Variants in PCDHA7 observed in about 807,000 individuals in gnomAD.
PCDHA7 encodes protocadherin alpha-7.
Under a neutral mutation model 57.2 loss-of-function variants are expected in PCDHA7, and 37 were observed. The observed-to-expected ratio is 0.65, with a 90% CI of 0.50 to 0.85. The LOEUF (loss-of-function observed/expected upper bound fraction) is 0.85. Among genes scored for constraint, PCDHA7 ranks in the 40% least tolerant of loss-of-function variants. The probability of loss-of-function intolerance (pLI) is 0.00; values close to 1 mark genes in which losing one functional copy is unlikely to be tolerated. For synonymous variants in PCDHA7, 553 were observed against 558.8 expected (o/e 0.99, Z 0.15); for missense variants, 1,188 against 1,241.8 (o/e 0.96, Z 0.65).
At chr5:140,999,114 T>C (rs2097847387) in intron 3 of PCDHA7, among the ~76,000 whole-genome samples, 2 of 152,180 alleles carry the variant, frequency 1.3e-5, no homozygotes, top group Non-Finnish European at 2.9e-5. Context: ...CTAGCAACCA[T>C]TTCTAAGCTG....
At chr5:140,848,426 G>A in intron 1 of PCDHA7, 1 of 1,449,988 alleles carries the variant, frequency 6.9e-7, no homozygotes, top group Non-Finnish European at 9.4e-7. Context: ...GAATGGGACT[G>A]ACGAAATCAG....
chr5:140,856,920 A>T (rs1554149295), intron 1 of PCDHA7: 1 of 1,595,604 alleles, frequency 6.3e-7, no homozygotes, highest in Admixed American at 1.7e-5. Flanking sequence ...ATAAGAAGGA[A>T]ATTTTGGATA....
At chr5:140,852,819 T>C in intron 1 of PCDHA7, 1 of 969,756 alleles carries the variant, frequency 1.0e-6, no homozygotes, top group Non-Finnish European at 1.2e-6. Flanking sequence ...CCGCCCTAAG[T>C]CCTCCAGTCT....
intron 1 of PCDHA7, among the ~76,000 whole-genome samples, chr5:140,899,359 T>C (rs1247414230): frequency 6.6e-6 from 1 of 152,116 alleles, no homozygotes; most frequent in Non-Finnish European, 1.5e-5. Context: ...TTTTGAGATA[T>C]GTCCCATCAA....
At chr5:140,889,424 A>AT (rs1554183891) in intron 1 of PCDHA7, among the ~76,000 whole-genome samples, 2 of 151,956 alleles carry the variant, frequency 1.3e-5, no homozygotes, top group Non-Finnish European at 2.9e-5. Flanking sequence ...CGTAGATAAT[A>AT]TTTTTTCAGG....
chr5:140,888,270 G>A (rs965190959), intron 1 of PCDHA7, among the ~76,000 whole-genome samples: 9 of 152,102 alleles, frequency 5.9e-5, no homozygotes. Flanking sequence ...ATAAGAAACA[G>A]TTTTGTCCCC....
At chr5:140,878,855 T>C (rs905851216) in intron 1 of PCDHA7, among the ~76,000 whole-genome samples, 3 of 152,250 alleles carry the variant, frequency 2.0e-5, no homozygotes, top group Admixed American at 6.5e-5. Context: ...TGGGTTCAAC[T>C]GATCCTCCAT....
chr5:140,979,947 A>G (rs781881758), intron 2 of PCDHA7, among the ~76,000 whole-genome samples: 4 of 152,258 alleles, frequency 2.6e-5, no homozygotes, highest in African/African-American at 4.8e-5. Context: ...AGTTAATGTG[A>G]AATTAGTTTT....
rs372854727 is a variant in PCDHA7 at position 140,857,673 on chromosome 5, C to A, written c.2355+20935C>A. On this transcript the variant is annotated intron_variant, in intron 1 of 3. Transcript: ENST00000525929. Reference sequence around the variant, plus strand: ...GTGAGCGCGCGCGATGGGGGCGTGCCGCCTCTGGGCAGCAACTTGACGCTG... The same window carrying A: ...GTGAGCGCGCGCGATGGGGGCGTGCAGCCTCTGGGCAGCAACTTGACGCTG... 2.5e-6 allele frequency: 4 copies of A among 1,596,826 alleles called. 1 individual carries two copies. The highest frequency in any genetic ancestry group is 3.4e-6 in the Non-Finnish European group (4 of 1,167,768).
chr5:140,841,433 G>C, intron 1 of PCDHA7: 1 of 1,612,986 alleles, frequency 6.2e-7, no homozygotes, highest in Non-Finnish European at 8.5e-7. Flanking sequence ...CGTCCCCGAG[G>C]AGGCCAAACA....
At chr5:140,951,440 A>G (rs1296002857) in intron 1 of PCDHA7, among the ~76,000 whole-genome samples, 2 of 152,004 alleles carry the variant, frequency 1.3e-5, no homozygotes, top group Non-Finnish European at 2.9e-5. Flanking sequence ...TGTAGGAAGC[A>G]TGATGCCGGC....
At chr5:140,993,577 T>A (rs1215999612) in intron 3 of PCDHA7, among the ~76,000 whole-genome samples, 1 of 151,978 alleles carries the variant, frequency 6.6e-6, no homozygotes, top group African/African-American at 2.4e-5. Flanking sequence ...CTAGGGATGC[T>A]TTTCTTGGCT....
chr5:140,858,417 G>A, intron 1 of PCDHA7: 1 of 1,560,448 alleles, frequency 6.4e-7, no homozygotes, highest in Non-Finnish European at 8.7e-7. Context: ...CAGTCTATTG[G>A]AGGGGACCAC....
At chr5:140,962,786 A>G (rs1377248587) in intron 1 of PCDHA7, among the ~76,000 whole-genome samples, 6 of 152,216 alleles carry the variant, frequency 3.9e-5, no homozygotes, top group African/African-American at 1.4e-4. Context: ...ATTTTTAAAA[A>G]CTACTTTGGA....
intron 3 of PCDHA7, among the ~76,000 whole-genome samples, chr5:140,987,294 C>A (rs1406567852): frequency 6.6e-6 from 1 of 152,004 alleles, no homozygotes; most frequent in Non-Finnish European, 1.5e-5. Context: ...AACAAGCCTT[C>A]TATGTGATAC....
chr5:140,841,900 G>A lies in PCDHA7; in HGVS notation c.2355+5162G>A. On this transcript the variant is annotated intron_variant, in intron 1 of 3. Coordinates refer to ENST00000525929, the MANE Select transcript of PCDHA7 (RefSeq NM_018910.3). ...AGAACGATGAGAATAAACTGGTTGA[G>A]CTCGTATTAAGAAAATCCTTGGACA... 4 of 1,613,856 alleles carry A rather than the reference G, an allele frequency of 2.5e-6. 1 individual carries two copies. Among genetic ancestry groups the A allele is most frequent in the Non-Finnish European group, 3.4e-6 (4 of 1,179,838 alleles).
rs1554202543 is a variant in PCDHA7 at position 140,925,106 on chromosome 5, G to GA, written c.2356-53842dup. The stretch of plus-strand genomic sequence containing the variant: ...GAAAGGAAGGAAGGAAGGAAGGAAG[G>GA]AGGGAAGGAAGGAAGGAAAAAAAAT... On this transcript the variant is annotated intron_variant, in intron 1 of 3. Coordinates refer to ENST00000525929, the MANE Select transcript of PCDHA7 (RefSeq NM_018910.3). Among the ~76,000 whole-genome samples the GA allele has an allele frequency of 6.6e-3, 1,003 of 151,180 alleles. 6 individuals are homozygous for GA. Among genetic ancestry groups the GA allele is most frequent in the African/African-American group, 0.017 (687 of 41,108 alleles).
At chr5:140,944,241 G>A (rs2093630107) in intron 1 of PCDHA7, among the ~76,000 whole-genome samples, 1 of 152,196 alleles carries the variant, frequency 6.6e-6, no homozygotes, top group African/African-American at 2.4e-5. Context: ...AGGCTGGAGT[G>A]CAGTGATGTG....
At chr5:140,961,591 T>C (rs1280839822) in intron 1 of PCDHA7, among the ~76,000 whole-genome samples, 1 of 152,190 alleles carries the variant, frequency 6.6e-6, no homozygotes, top group African/African-American at 2.4e-5. Flanking sequence ...ATTTTGGCAA[T>C]GATTCTAGTA....
Sources: gnomAD v4.1 joint callset for allele counts (sites outside exome capture counted in the v4.1 genomes callset) on GRCh38, gnomAD v4.1.1 for gene constraint, MANE v1.5 for transcripts, NCBI Gene and HGNC (gene_info 2026-07-23, HGNC 2026-07-21) for gene names.